CCDC169: variants seen among roughly 807,000 people sequenced by gnomAD.
CCDC169 encodes the protein coiled-coil domain containing 169, also known as coiled-coil domain-containing protein 169.
Under a neutral mutation model 36.0 loss-of-function variants are expected in CCDC169, and 30 were observed. The observed-to-expected ratio is 0.83, with a 90% CI of 0.62 to 1.13. CCDC169 has a LOEUF of 1.13. Among genes scored for constraint, CCDC169 ranks in the 50% most tolerant of loss-of-function variants. The pLI, the probability that CCDC169 is intolerant of heterozygous loss-of-function variation, is 0.00. For missense variants in CCDC169, 245 were observed against 245.9 expected, an observed-to-expected ratio of 1.00 and a Z score of 0.03; for synonymous variants, 85 against 81.5, an observed-to-expected ratio of 1.04 and a Z score of -0.23.
chr13:36,273,559 A>G (rs1876382214), intron 4 of CCDC169, among the ~76,000 whole-genome samples: 1 of 152,218 alleles, frequency 6.6e-6, no homozygotes, highest in Non-Finnish European at 1.5e-5. Context: ...GCACATTTGC[A>G]TTTTTTAAAG....
chr13:36,227,570 GATC>G (rs1462377671), downstream of CCDC169, among the ~76,000 whole-genome samples: 2 of 151,906 alleles, frequency 1.3e-5, no homozygotes, highest in Non-Finnish European at 2.9e-5. Context: ...GTATTTTTAG[GATC>G]ATATTATTGA....
At chr13:36,269,078 G>A (rs750597855) in intron 4 of CCDC169, among the ~76,000 whole-genome samples, 31 of 151,836 alleles carry the variant, frequency 2.0e-4, no homozygotes, top group Admixed American at 2.0e-3. Context: ...CACTCCAGCC[G>A]GGGTGAGAGA....
chr13:36,292,466 G>T (rs1033693173), intron 2 of CCDC169, among the ~76,000 whole-genome samples: 10 of 151,842 alleles, frequency 6.6e-5, no homozygotes, highest in African/African-American at 1.5e-4. Flanking sequence ...ACTAAACTTT[G>T]TTGTGAAATT....
intron 2 of CCDC169, among the ~76,000 whole-genome samples, chr13:36,285,584 AAGATAGAT>A (rs367836854): frequency 2.5e-4 from 35 of 138,148 alleles, no homozygotes; most frequent in African/African-American, 7.3e-4. Flanking sequence ...AAAATAAAAT[AAGATAGAT>A]AGATAGATAG....
intron 6 of CCDC169, among the ~76,000 whole-genome samples, chr13:36,250,764 C>G (rs1487243587): frequency 1.3e-5 from 2 of 152,012 alleles, no homozygotes; most frequent in African/African-American, 4.8e-5. Context: ...GGAGTGTAGA[C>G]TTGTTCTTAT....
chr13:36,293,504 G>A (rs1218733688), intron 2 of CCDC169, among the ~76,000 whole-genome samples: 1 of 152,142 alleles, frequency 6.6e-6, no homozygotes, highest in African/African-American at 2.4e-5. Flanking sequence ...TGACTACTAT[G>A]ACCAACAGAA....
intron 7 of CCDC169, among the ~76,000 whole-genome samples, chr13:36,241,768 G>T (rs1001827570): frequency 1.3e-5 from 2 of 152,102 alleles, no homozygotes; most frequent in Admixed American, 1.3e-4. Flanking sequence ...GAAGGTATAT[G>T]ATCAGCTAAA....
At chr13:36,226,296 C>T (rs1448575909), downstream of CCDC169, 2 of 152,152 alleles carry the variant, frequency 1.3e-5, no homozygotes, top group Admixed American at 1.3e-4. Context: ...TTTCCACGGA[C>T]TGTATTTTGG....
chr13:36,272,403 A>G (rs1286058389), intron 4 of CCDC169, among the ~76,000 whole-genome samples: 2 of 152,142 alleles, frequency 1.3e-5, no homozygotes, highest in East Asian at 3.9e-4. Context: ...GGAAGTATAA[A>G]CCTGATACAA....
chr13:36,269,748 C>A (rs1216902429), intron 4 of CCDC169, among the ~76,000 whole-genome samples: 2 of 152,160 alleles, frequency 1.3e-5, no homozygotes, highest in East Asian at 3.9e-4. Flanking sequence ...AAACTCTCAA[C>A]AAACTAGACA....
intron 7 of CCDC169, among the ~76,000 whole-genome samples, chr13:36,234,970 TCTC>T (rs1870902625): frequency 6.6e-6 from 1 of 152,056 alleles, no homozygotes; most frequent in Non-Finnish European, 1.5e-5. Flanking sequence ...TCTTTTTAAA[TCTC>T]CTAACTGATT....
chr13:36,248,264 C>A (rs1440372055), intron 7 of CCDC169, among the ~76,000 whole-genome samples: 3 of 152,056 alleles, frequency 2.0e-5, no homozygotes, highest in African/African-American at 4.8e-5. Flanking sequence ...TTACAGTGAT[C>A]CGGAACCAAA....
At chr13:36,274,982 C>T (rs1377588463) in intron 4 of CCDC169, among the ~76,000 whole-genome samples, 1 of 151,184 alleles carries the variant, frequency 6.6e-6, no homozygotes, top group Non-Finnish European at 1.5e-5. Context: ...CATTCTCCTG[C>T]CTCAGCCTCC....
intron 7 of CCDC169, 79 bp from the exon 8 acceptor site, chr13:36,231,371 A>G: frequency 7.4e-7 from 1 of 1,352,874 alleles, no homozygotes; most frequent in South Asian, 1.3e-5. Flanking sequence ...CACAGGAAGA[A>G]ATGTATATTG....
intron 4 of CCDC169, among the ~76,000 whole-genome samples, chr13:36,265,831 T>C (rs560323586): frequency 6.6e-6 from 1 of 152,328 alleles, no homozygotes; most frequent in South Asian, 2.1e-4. Flanking sequence ...TAGTTATCAC[T>C]GCAGGGGTAG....
At chr13:36,270,315 G>T (rs1355792088) in intron 4 of CCDC169, among the ~76,000 whole-genome samples, 1 of 152,032 alleles carries the variant, frequency 6.6e-6, no homozygotes, top group African/African-American at 2.4e-5. Flanking sequence ...TCATGAATTG[G>T]AATAATCATT....
At chr13:36,293,947 C>T in intron 2 of CCDC169, among the ~76,000 whole-genome samples, 1 of 152,138 alleles carries the variant, frequency 6.6e-6, no homozygotes, top group East Asian at 1.9e-4. Flanking sequence ...GTTGTATTAT[C>T]ATTTACTGAA....
chr13:36,285,614 G>GATAGATAGATAGATAGATAGATACATAC (rs568184993), intron 2 of CCDC169, among the ~76,000 whole-genome samples: 1 of 138,074 alleles, frequency 7.2e-6, no homozygotes, highest in East Asian at 2.1e-4. Flanking sequence ...TAGATAGATA[G>GATAGATAGATAGATAGATAGATACATAC]ATAGATACAT....
chr13:36,296,646 TTA>T (rs1879528683), intron 1 of CCDC169, among the ~76,000 whole-genome samples: 1 of 152,224 alleles, frequency 6.6e-6, no homozygotes, highest in Non-Finnish European at 1.5e-5. Context: ...TGAGTGCCTA[TTA>T]TGTTCAAGGC....
Sources: gnomAD v4.1 joint callset for allele counts (sites outside exome capture counted in the v4.1 genomes callset) on GRCh38, gnomAD v4.1.1 for gene constraint, MANE v1.5 for transcripts, NCBI Gene and HGNC (gene_info 2026-07-23, HGNC 2026-07-21) for gene names.